Variants in PSMD14 observed in about 807,000 individuals in gnomAD.
PSMD14 encodes ubiquitin C-terminal hydrolase PSMD14.
A neutral mutation model predicts 41.2 loss-of-function variants in PSMD14; 7 were observed. That is an observed-to-expected ratio of 0.17 (90% confidence interval 0.10 to 0.32). The LOEUF (loss-of-function observed/expected upper bound fraction) is 0.32, where lower values mean the gene tolerates loss of function less well. PSMD14 is among the 10% of genes least tolerant of loss of function. PSMD14 has a pLI of 1.00. For missense variants in PSMD14, 139 were observed against 375.6 expected (o/e 0.37, Z 5.21); for synonymous variants, 114 against 122.3 (o/e 0.93, Z 0.45).
chr2:161,386,491 G>A (rs1683637871), intron 8 of PSMD14, among the ~76,000 whole-genome samples: 1 of 151,480 alleles, frequency 6.6e-6, no homozygotes, highest in African/African-American at 2.4e-5. Flanking sequence ...TTAATTTTGG[G>A]GCAGTCACTC....
chr2:161,338,654 T>C (rs1050669699), intron 3 of PSMD14, among the ~76,000 whole-genome samples: 1 of 152,196 alleles, frequency 6.6e-6, no homozygotes, highest in African/African-American at 2.4e-5. Context: ...AATAGCTTAA[T>C]TGAGATATAA....
intron 3 of PSMD14, among the ~76,000 whole-genome samples, chr2:161,357,857 A>G (rs1306613991): frequency 6.6e-6 from 1 of 150,874 alleles, no homozygotes; most frequent in African/African-American, 2.4e-5. Flanking sequence ...ATGACCTTGA[A>G]GTTTAAGTTC....
intron 8 of PSMD14, among the ~76,000 whole-genome samples, chr2:161,389,889 G>GTTGTGTTTTTTTTTTTT: frequency 5.0e-5 from 1 of 20,050 alleles, no homozygotes; most frequent in Admixed American, 6.8e-4. Context: ...CTTTTTTGTT[G>GTTGTGTTTTTTTTTTTT]TTTTTTTTTT....
Position 161,309,732 on chromosome 2 carries a change from C to T in PSMD14, c.-138+1128C>T, listed in dbSNP as rs1227822990. Among the ~76,000 whole-genome samples the T allele has an allele frequency of 2.0e-5, 3 of 152,106 alleles. No homozygotes were observed. The South Asian group carries it at 6.2e-4, about 32-fold the overall frequency. ...AGGCTAAATGTTGTCTTGAATTTGT[C>T]CCTAAATCTTGCCAAGGGAAGAAAG... On this transcript the variant is annotated intron_variant, in intron 1 of 11. Transcript: ENST00000409682.
At chr2:161,408,005 C>T (rs570352439) in intron 10 of PSMD14, 1 of 152,070 alleles carries the variant, frequency 6.6e-6, no homozygotes, top group South Asian at 2.1e-4. Flanking sequence ...GAGAGGAGGG[C>T]AGTAGTGGTA....
At position 161,411,528 on chromosome 2, in the gene PSMD14, T is replaced by C. The variant is rs1242245454; in HGVS notation, c.*128T>C. 2.0e-6 allele frequency: 1 copy of C among 501,956 alleles called. No individual in the cohort carries two copies. The highest frequency in any genetic ancestry group is 2.0e-5 in the African/African-American group (1 of 49,914). The allele number at this position is 501,956 out of a possible 1,614,324, so 31.1% of individuals were successfully genotyped here. A position where few individuals can be genotyped will look rare whatever the true frequency, so the allele number is the denominator to read the frequency against. The stretch of plus-strand genomic sequence containing the variant: ...AGACATCTGGCATCATTTGCAGCAC[T>C]GTAACACCTTCAGTCTCAGTTGTGC... On this transcript the variant is annotated 3_prime_UTR_variant, in exon 12 of 12. Transcript: ENST00000409682.
At chr2:161,333,500 T>C (rs776902207) in intron 3 of PSMD14, among the ~76,000 whole-genome samples, 1 of 152,230 alleles carries the variant, frequency 6.6e-6, no homozygotes, top group Non-Finnish European at 1.5e-5. Context: ...GCAGTATATA[T>C]TGGGCAGTGG....
chr2:161,308,683 T>G (rs1162528632), intron 1 of PSMD14, 79 bp downstream of exon 1: 1 of 152,366 alleles, frequency 6.6e-6, no homozygotes, highest in African/African-American at 2.4e-5. Context: ...CTTTCCTGAG[T>G]CACGTTGCCC....
At chr2:161,321,049 T>C (rs1342759294) in intron 3 of PSMD14, among the ~76,000 whole-genome samples, 1 of 152,214 alleles carries the variant, frequency 6.6e-6, no homozygotes, top group East Asian at 1.9e-4. Context: ...TAATAAGAAG[T>C]CAAAGATCTT....
intron 3 of PSMD14, chr2:161,341,365 G>T: frequency 1.0e-6 from 1 of 967,414 alleles, no homozygotes; most frequent in Non-Finnish European, 1.2e-6. Flanking sequence ...CTGCGACCCC[G>T]AGGGATCCCG....
chr2:161,368,247 C>T (rs2105256544), intron 5 of PSMD14, among the ~76,000 whole-genome samples: 2 of 152,100 alleles, frequency 1.3e-5, no homozygotes, highest in South Asian at 4.2e-4. Flanking sequence ...TTGAGATTCT[C>T]TTAATTTAGA....
intron 11 of PSMD14, 121 bp from the exon 12 acceptor site, chr2:161,411,180 TA>T: frequency 1.8e-6 from 1 of 546,160 alleles, no homozygotes; most frequent in Non-Finnish European, 3.2e-6. Flanking sequence ...AGTTAAATTG[TA>T]AAATATTTAA....
At chr2:161,371,980 ATTTC>A (rs1683441276) in intron 7 of PSMD14, among the ~76,000 whole-genome samples, 2 of 103,308 alleles carry the variant, frequency 1.9e-5, no homozygotes, top group Admixed American at 1.8e-4. Flanking sequence ...TTTTTTTTTT[ATTTC>A]TTTCTTTCTA....
At chr2:161,357,840 T>TTA (rs1683228925) in intron 3 of PSMD14, among the ~76,000 whole-genome samples, 1 of 152,062 alleles carries the variant, frequency 6.6e-6, no homozygotes, top group Non-Finnish European at 1.5e-5. Context: ...CTAATAGGTA[T>TTA]TATTAAATGA....
At chr2:161,386,053 A>T (rs1286149959) in intron 8 of PSMD14, among the ~76,000 whole-genome samples, 1 of 151,834 alleles carries the variant, frequency 6.6e-6, no homozygotes, top group African/African-American at 2.4e-5. Context: ...TATAAAAGAC[A>T]TCCATATGTT....
At chr2:161,365,765 C>T (rs1683349725) in intron 3 of PSMD14, among the ~76,000 whole-genome samples, 1 of 151,990 alleles carries the variant, frequency 6.6e-6, no homozygotes, top group Non-Finnish European at 1.5e-5. Context: ...GCTAACATAT[C>T]CATCACCTCA....
rs150420588 is a variant in PSMD14, at chr2:161,400,621, A to G, written c.771+5418A>G. 1.9e-3 allele frequency among the ~76,000 whole-genome samples: 292 copies of G among 152,314 alleles called. 6 individuals are homozygous for G. The East Asian group carries it at 0.024, about 12-fold the overall frequency. On this transcript the variant is annotated intron_variant, in intron 10 of 11. Coordinates refer to ENST00000409682, the MANE Select transcript of PSMD14 (RefSeq NM_005805.6). ...CAGTCTGGAGTACAATAGCATGATC[A>G]TGGTTCACTGTAGCTTCCACCTCTT...
At chr2:161,392,681 C>T (rs772951721) in intron 9 of PSMD14, among the ~76,000 whole-genome samples, 15 of 152,026 alleles carry the variant, frequency 9.9e-5, no homozygotes, top group South Asian at 8.3e-4. Flanking sequence ...TCCCCCTTGG[C>T]GCAAGGGGAT....
At chr2:161,359,387 G>A (rs181724357) in intron 3 of PSMD14, among the ~76,000 whole-genome samples, 3 of 152,142 alleles carry the variant, frequency 2.0e-5, no homozygotes, top group Admixed American at 1.3e-4. Flanking sequence ...GTGCTTGCCT[G>A]GTTTTTATTT....
Sources: gnomAD v4.1 joint callset for allele counts (sites outside exome capture counted in the v4.1 genomes callset) on GRCh38, gnomAD v4.1.1 for gene constraint, MANE v1.5 for transcripts, NCBI Gene and HGNC (gene_info 2026-07-23, HGNC 2026-07-21) for gene names.